The following TAF8 variants were observed in gnomAD, a reference collection of about 807,000 sequenced individuals.
TAF8 encodes TATA-box binding protein associated factor 8.
In TAF8, 47 loss-of-function variants were observed where a neutral mutation model predicts 36.5. That is an observed-to-expected ratio of 1.29 (90% CI 1.02 to 1.64). The LOEUF (loss-of-function observed/expected upper bound fraction) is 1.64. Among genes scored for constraint, TAF8 ranks in the 40% most tolerant of loss-of-function variants. The probability of loss-of-function intolerance (pLI) is 0.00; values close to 1 mark genes in which losing one functional copy is unlikely to be tolerated. For synonymous variants in TAF8, 175 were observed against 159.5 expected (o/e 1.10, Z -0.73); for missense variants, 420 against 407.6 (o/e 1.03, Z -0.26).
At chr6:42,076,379 G>A (rs2127464126) in intron 7 of TAF8, among the ~76,000 whole-genome samples, 1 of 152,284 alleles carries the variant, frequency 6.6e-6, no homozygotes, top group East Asian at 1.9e-4. Flanking sequence ...GAACCCCGGA[G>A]ACGGAGGCTG....
At chr6:42,067,861 G>A (rs930958933) in intron 6 of TAF8, among the ~76,000 whole-genome samples, 3 of 151,996 alleles carry the variant, frequency 2.0e-5, no homozygotes, top group African/African-American at 7.3e-5. Flanking sequence ...CACCACACCC[G>A]GCCTTCTTTC....
Position 42,078,499 on chromosome 6 carries a change from T to G in TAF8, c.*954T>G. The G allele has an allele frequency of 5.1e-6, 5 of 985,472 alleles. No individual in the cohort carries two copies. Among genetic ancestry groups the G allele is most frequent in the Non-Finnish European group, 4.8e-6 (4 of 829,950 alleles). The allele number at this position is 985,472 out of a possible 1,614,324, so 61.0% of individuals were successfully genotyped here. On this transcript the variant is annotated 3_prime_UTR_variant, in exon 9 of 9. Transcript: ENST00000372977. ...TGAGCTGATGAAAAGTTCTTTGTAC[T>G]CCCTCAACGTGTCGGAAACAGGAGG...
Position 42,078,355 on chromosome 6 carries a change from C to G in TAF8, c.*810C>G, listed in dbSNP as rs1765825151. ...GCTTATTACAAGGAAGACTGTTTGTCCAGCGTGTATTTCAGGATATCTGGA... is the reference window on the plus strand; with the variant it reads ...GCTTATTACAAGGAAGACTGTTTGTGCAGCGTGTATTTCAGGATATCTGGA... On this transcript the variant is annotated 3_prime_UTR_variant, in exon 9 of 9. Coordinates refer to ENST00000372977, the MANE Select transcript of TAF8 (RefSeq NM_138572.3). The G allele has an allele frequency of 2.0e-6, 2 of 985,424 alleles. No homozygotes were observed. Among genetic ancestry groups the G allele is most frequent in the Non-Finnish European group, 2.4e-6 (2 of 829,938 alleles). The allele number at this position is 985,424 out of a possible 1,614,324, so 61.0% of individuals were successfully genotyped here.
chr6:42,054,549 G>A (rs7453606), intron 2 of TAF8, among the ~76,000 whole-genome samples: 12,952 of 152,074 alleles, frequency 0.085, 729 homozygotes, highest in East Asian at 0.25. Context: ...CCTCATATAA[G>A]TAGAATCTTT....
rs543817082 is a variant in TAF8 at position 42,082,102 on chromosome 6, G to T, written c.*4557G>T. ...CTTATTTAGTTTTCACCATGTGCAC[G>T]TGTGTGTTATGTGTGTGTTGTTCCG... is the stretch of plus-strand genomic sequence containing the variant. On this transcript the variant is annotated 3_prime_UTR_variant, in exon 9 of 9. Transcript: ENST00000372977. The T allele has an allele frequency of 4.6e-5, 7 of 152,186 alleles. No homozygotes were observed. The highest frequency in any genetic ancestry group is 1.4e-4 in the African/African-American group (6 of 41,430). The allele number at this position is 152,186 out of a possible 1,614,324, so 9.4% of individuals were successfully genotyped here. A position where few individuals can be genotyped will look rare whatever the true frequency, so the allele number is the denominator to read the frequency against.
Position 42,066,437 on chromosome 6 carries a change from A to C in TAF8, c.615A>C (p.Lys205Asn). 6.2e-7 allele frequency: 1 copy of C among 1,614,184 alleles called. No homozygotes were observed. The highest frequency in any genetic ancestry group is 8.5e-7 in the Non-Finnish European group (1 of 1,180,028). The change falls in exon 6 of 9, where the codon AAA becomes AAC. Residue 205 changes from lysine to asparagine, a missense_variant. Coordinates refer to ENST00000372977, the MANE Select transcript of TAF8 (RefSeq NM_138572.3). Reference protein sequence around the residue: ...AKTGETQSLFKDDVSTFPLIA... With the variant: ...AKTGETQSLFNDDVSTFPLIA... ...CAGGCGAGACTCAGAGTCTTTTCAA[A>C]GATGACGTCAGCACATTTCCATGTG... is the stretch of plus-strand genomic sequence containing the variant.
At chr6:42,074,750 T>C (rs1765688378) in intron 7 of TAF8, among the ~76,000 whole-genome samples, 1 of 152,134 alleles carries the variant, frequency 6.6e-6, no homozygotes, top group African/African-American at 2.4e-5. Context: ...TTGGCCAGGC[T>C]GATCTCGAAC....
chr6:42,070,268 C>G (rs556532112), intron 7 of TAF8, among the ~76,000 whole-genome samples: 17 of 152,116 alleles, frequency 1.1e-4, no homozygotes, highest in African/African-American at 3.1e-4. Flanking sequence ...GTGGGCAGAT[C>G]ACGAGGTCAG....
chr6:42,079,231 G>T lies in TAF8; in HGVS notation c.*1686G>T. The T allele has an allele frequency of 1.0e-6, 1 of 985,624 alleles. No individual in the cohort carries two copies. Among genetic ancestry groups the T allele is most frequent in the Non-Finnish European group, 1.2e-6 (1 of 830,000 alleles). The allele number at this position is 985,624 out of a possible 1,614,324, so 61.1% of individuals were successfully genotyped here. ...GTATTCTGAAAGCTGAGAAACGGCT[G>T]GTCAGCTGGAAGGCTGGTGGATGGG... On this transcript the variant is annotated 3_prime_UTR_variant, in exon 9 of 9. Transcript: ENST00000372977.
Position 42,081,018 on chromosome 6 carries a change from T to C in TAF8, c.*3473T>C. 1.0e-6 allele frequency: 1 copy of C among 975,936 alleles called. No individual in the cohort carries two copies. The highest frequency in any genetic ancestry group is 1.2e-6 in the Non-Finnish European group (1 of 821,342). The allele number at this position is 975,936 out of a possible 1,614,324, so 60.5% of individuals were successfully genotyped here. A position where few individuals can be genotyped will look rare whatever the true frequency, so the allele number is the denominator to read the frequency against. On this transcript the variant is annotated 3_prime_UTR_variant, in exon 9 of 9. Transcript: ENST00000372977. The stretch of plus-strand genomic sequence containing the variant: ...AGCACACCTGGGAACTTAGTAAAAC[T>C]TTTATTTTGGAAATTTTCAAATACA...
downstream of TAF8, among the ~76,000 whole-genome samples, chr6:42,083,658 C>T (rs1373226296): frequency 1.3e-5 from 2 of 152,142 alleles, no homozygotes; most frequent in Admixed American, 6.5e-5. Flanking sequence ...ACATAGTCAC[C>T]GTTCTGTGTG....
intron 5 of TAF8, among the ~76,000 whole-genome samples, chr6:42,064,956 CAAAAAAAAA>C (rs59214523): frequency 1.4e-5 from 1 of 73,728 alleles, no homozygotes; most frequent in African/African-American, 5.8e-5. Flanking sequence ...GACTCTGTCT[CAAAAAAAAA>C]AAAAAAAAAA....
chr6:42,066,177 A>C (rs1765353845), intron 5 of TAF8, 135 bp from the exon 6 acceptor site: 1 of 1,069,268 alleles, frequency 9.4e-7, no homozygotes, highest in Non-Finnish European at 1.3e-6. Flanking sequence ...CTGGGATTAC[A>C]GGTGTGAGCC....
rs1765849539 is a variant in TAF8 at position 42,079,227 on chromosome 6, G to A, written c.*1682G>A. 9 of 985,606 alleles carry A rather than the reference G, an allele frequency of 9.1e-6. No individual in the cohort carries two copies. The highest frequency in any genetic ancestry group is 1.1e-5 in the Non-Finnish European group (9 of 829,992). 61.1% of individuals were successfully genotyped at this position (985,606 alleles called of 1,614,324 possible). A position where few individuals can be genotyped will look rare whatever the true frequency, so the allele number is the denominator to read the frequency against. On this transcript the variant is annotated 3_prime_UTR_variant, in exon 9 of 9. Transcript: ENST00000372977. ...TCTTGTATTCTGAAAGCTGAGAAAC[G>A]GCTGGTCAGCTGGAAGGCTGGTGGA...
chr6:42,065,487 C>T (rs763097585), intron 5 of TAF8, among the ~76,000 whole-genome samples: 8 of 152,176 alleles, frequency 5.3e-5, no homozygotes, highest in Non-Finnish European at 2.9e-5. Context: ...GTCACTTGCA[C>T]GTATAATAAG....
Position 42,057,398 on chromosome 6 carries a change from CCAAT to C in TAF8, c.377_380del (p.Asn126SerfsTer3). On this transcript the variant is annotated frameshift_variant, in exon 5 of 9. Coordinates refer to ENST00000372977, the MANE Select transcript of TAF8 (RefSeq NM_138572.3). LOFTEE classifies it high-confidence loss of function. ...TGTGACTCTGTTGCAGCTCCGGTGACCAATCAGCCAGTGACCCCCAAGGCCCTCA... is the reference window on the plus strand; with the variant it reads ...TGTGACTCTGTTGCAGCTCCGGTGACCAGCCAGTGACCCCCAAGGCCCTCA... 2 of 1,614,008 alleles carry C rather than the reference CCAAT, an allele frequency of 1.2e-6. No individual in the cohort carries two copies. Among genetic ancestry groups the C allele is most frequent in the Non-Finnish European group, 1.7e-6 (2 of 1,180,004 alleles).
At chr6:42,054,174 TCA>T (rs1764897460) in intron 2 of TAF8, among the ~76,000 whole-genome samples, 1 of 152,160 alleles carries the variant, frequency 6.6e-6, no homozygotes, top group South Asian at 2.1e-4. Context: ...GGAAGCTCAT[TCA>T]CAGAGCCGAG....
chr6:42,069,610 T>C (rs12201698), intron 7 of TAF8, among the ~76,000 whole-genome samples: 12,978 of 152,238 alleles, frequency 0.085, 734 homozygotes, highest in East Asian at 0.25. Context: ...TTGATGTTCG[T>C]GTCTTAAACA....
rs1332447466 is a variant in TAF8, at chr6:42,082,101, C to T, written c.*4556C>T. The T allele has an allele frequency of 7.2e-5, 11 of 152,212 alleles. No individual in the cohort carries two copies. The highest frequency in any genetic ancestry group is 4.4e-5 in the Non-Finnish European group (3 of 68,046). The allele number at this position is 152,212 out of a possible 1,614,324, so 9.4% of individuals were successfully genotyped here. On this transcript the variant is annotated 3_prime_UTR_variant, in exon 9 of 9. Transcript: ENST00000372977. ...GCTTATTTAGTTTTCACCATGTGCA[C>T]GTGTGTGTTATGTGTGTGTTGTTCC... is the stretch of plus-strand genomic sequence containing the variant.
Sources: allele counts gnomAD v4.1 joint callset (sites outside exome capture counted in the v4.1 genomes callset), GRCh38; gene constraint gnomAD v4.1.1; transcripts MANE v1.5; gene names NCBI Gene and HGNC (gene_info 2026-07-23, HGNC 2026-07-21).